The following SKAP2 variants were observed in gnomAD, a reference collection of about 807,000 sequenced individuals.
The protein encoded by SKAP2 is src kinase associated phosphoprotein 2, also known as src kinase-associated phosphoprotein 2.
In SKAP2, 28 loss-of-function variants were observed where a neutral mutation model predicts 54.9. That is an observed-to-expected ratio of 0.51 (90% CI 0.38 to 0.70). The LOEUF (loss-of-function observed/expected upper bound fraction) is 0.70. Ranked by LOEUF, SKAP2 falls within the 30% of genes least tolerant of loss-of-function variation. The pLI, the probability that SKAP2 is intolerant of heterozygous loss-of-function variation, is 0.00. For synonymous variants in SKAP2, 137 were observed against 134.3 expected (o/e 1.02, Z -0.14); for missense variants, 356 against 424.1 (o/e 0.84, Z 1.41).
chr7:26,713,638 C>T (rs1406238075), intron 9 of SKAP2, among the ~76,000 whole-genome samples: 5 of 150,940 alleles, frequency 3.3e-5, no homozygotes, highest in African/African-American at 7.3e-5. Flanking sequence ...CTCGCTCTGT[C>T]GCCCAGGCTG....
intron 6 of SKAP2, among the ~76,000 whole-genome samples, chr7:26,730,228 T>C (rs1180096733): frequency 6.6e-6 from 1 of 152,222 alleles, no homozygotes; most frequent in Non-Finnish European, 1.5e-5. Flanking sequence ...CATAAGAATT[T>C]ACATATAGAT....
At chr7:26,755,243 T>A (rs1442282551) in intron 4 of SKAP2, among the ~76,000 whole-genome samples, 1 of 148,308 alleles carries the variant, frequency 6.7e-6, no homozygotes, top group Non-Finnish European at 1.5e-5. Flanking sequence ...AATACAAAAA[T>A]AATTTTTAAG....
At chr7:26,725,710 G>T in intron 8 of SKAP2, 145 bp from the exon 9 acceptor site, 5 of 993,852 alleles carry the variant, frequency 5.0e-6, no homozygotes, top group Middle Eastern at 3.3e-4. Flanking sequence ...TTTAAAAATT[G>T]TTTTGTAAAT....
At chr7:26,696,802 G>A (rs548501270) in intron 9 of SKAP2, among the ~76,000 whole-genome samples, 90 of 152,134 alleles carry the variant, frequency 5.9e-4, no homozygotes, top group Non-Finnish European at 1.1e-3. Context: ...ACACAAATCT[G>A]CTTTGGGAGG....
intron 4 of SKAP2, among the ~76,000 whole-genome samples, chr7:26,746,997 A>G (rs527485047): frequency 1.6e-4 from 25 of 152,284 alleles, no homozygotes; most frequent in South Asian, 1.2e-3. Flanking sequence ...TCATATTTGA[A>G]TAATTCTTCC....
the SKAP2 span, among the ~76,000 whole-genome samples, chr7:26,657,467 C>T: frequency 6.6e-6 from 1 of 152,186 alleles, no homozygotes; most frequent in Non-Finnish European, 1.5e-5. Flanking sequence ...GCAAAAAACA[C>T]TGATTGCTGC....
At position 26,840,508 on chromosome 7, in the gene SKAP2, C is replaced by T. The variant is rs117192055; in HGVS notation, c.307+3522G>A. The stretch of plus-strand genomic sequence containing the variant: ...GTGTCTAAAGTCTACTCTATATCTA[C>T]CCACCTTAGTGCCTAAACATTTTAA... On this transcript the variant is annotated intron_variant, in intron 4 of 12. Transcript: ENST00000345317. Among the ~76,000 whole-genome samples, 31 of 152,138 alleles carry T rather than the reference C, an allele frequency of 2.0e-4. 1 individual carries two copies. The East Asian group carries it at 5.4e-3, about 27-fold the overall frequency.
At chr7:26,830,896 A>G (rs1332243483) in intron 4 of SKAP2, among the ~76,000 whole-genome samples, 1 of 150,738 alleles carries the variant, frequency 6.6e-6, no homozygotes, top group African/African-American at 2.4e-5. Context: ...CAGGGCATTT[A>G]TTTGCTACTA....
At chr7:26,819,275 C>T (rs905134742) in intron 4 of SKAP2, among the ~76,000 whole-genome samples, 1 of 152,096 alleles carries the variant, frequency 6.6e-6, no homozygotes, top group African/African-American at 2.4e-5. Flanking sequence ...TTTGCACGGA[C>T]ATGGATGAAG....
chr7:26,672,656 A>G (rs1786268075), intron 11 of SKAP2, among the ~76,000 whole-genome samples: 1 of 152,082 alleles, frequency 6.6e-6, no homozygotes, highest in Non-Finnish European at 1.5e-5. Flanking sequence ...TTTGAAATTA[A>G]TGCATTATGA....
rs140474737 is a variant in SKAP2, at chr7:26,850,890, A to G, written c.199+3247T>C. On this transcript the variant is annotated intron_variant, in intron 3 of 12. Transcript: ENST00000345317. ...TTGCACATGTAAAGATAAAAGAAGA[A>G]TTTTAATAAATGAAAAAGAAAGTTT... Among the ~76,000 whole-genome samples, 19 of 152,312 alleles carry G rather than the reference A, an allele frequency of 1.2e-4. No homozygotes were observed. In the East Asian group the frequency reaches 3.7e-3, roughly 29 times the overall value.
intron 6 of SKAP2, among the ~76,000 whole-genome samples, chr7:26,732,410 C>G (rs548942086): frequency 6.6e-6 from 1 of 152,294 alleles, no homozygotes; most frequent in African/African-American, 2.4e-5. Flanking sequence ...CTGTGTGTAG[C>G]ATTCTTAGCA....
chr7:26,789,246 A>T (rs889957935), intron 4 of SKAP2, among the ~76,000 whole-genome samples: 3 of 152,234 alleles, frequency 2.0e-5, no homozygotes, highest in East Asian at 1.9e-4. Context: ...GGTTAAAAAA[A>T]TTTTTAGCTC....
chr7:26,734,924 C>G (rs1296709989), intron 6 of SKAP2, among the ~76,000 whole-genome samples: 1 of 152,134 alleles, frequency 6.6e-6, no homozygotes, highest in Non-Finnish European at 1.5e-5. Context: ...AGCATTCAAC[C>G]AACAAACTCC....
At chr7:26,831,206 C>A (rs1364957194) in intron 4 of SKAP2, among the ~76,000 whole-genome samples, 1 of 152,014 alleles carries the variant, frequency 6.6e-6, no homozygotes, top group Non-Finnish European at 1.5e-5. Context: ...GCTCATGATG[C>A]CTATGTATAA....
chr7:26,775,440 T>C (rs1480433371), intron 4 of SKAP2, among the ~76,000 whole-genome samples: 1 of 152,154 alleles, frequency 6.6e-6, no homozygotes, highest in Non-Finnish European at 1.5e-5. Flanking sequence ...AGTGGTAACA[T>C]TTTACAAAAC....
intron 9 of SKAP2, among the ~76,000 whole-genome samples, chr7:26,705,264 T>A (rs770143580): frequency 6.6e-6 from 1 of 152,240 alleles, no homozygotes; most frequent in Non-Finnish European, 1.5e-5. Flanking sequence ...ATAAATGTTA[T>A]GCCATAATTA....
chr7:26,769,570 G>A (rs750174298), intron 4 of SKAP2, among the ~76,000 whole-genome samples: 5 of 150,878 alleles, frequency 3.3e-5, no homozygotes, highest in Non-Finnish European at 5.9e-5. Flanking sequence ...TTTTTGTGCT[G>A]GTTTTTCCTC....
At chr7:26,739,143 T>A (rs1393924512) in intron 5 of SKAP2, among the ~76,000 whole-genome samples, 1 of 152,200 alleles carries the variant, frequency 6.6e-6, no homozygotes, top group African/African-American at 2.4e-5. Flanking sequence ...TATCTGACTA[T>A]ACAGTCTTGA....
Sources: gnomAD v4.1 joint callset for allele counts (sites outside exome capture counted in the v4.1 genomes callset) on GRCh38, gnomAD v4.1.1 for gene constraint, MANE v1.5 for transcripts, NCBI Gene and HGNC (gene_info 2026-07-23, HGNC 2026-07-21) for gene names.